The following PPARGC1A variants were observed in gnomAD, a reference collection of about 807,000 sequenced individuals.
The protein encoded by PPARGC1A is peroxisome proliferator-activated receptor gamma coactivator 1-alpha.
PPARGC1A carries 25 observed loss-of-function variants against 88.7 expected under a neutral mutation model. That is an observed-to-expected ratio of 0.28 (90% CI 0.21 to 0.39). The LOEUF (loss-of-function observed/expected upper bound fraction) is 0.39. Ranked by LOEUF, PPARGC1A falls within the 10% of genes least tolerant of loss-of-function variation. The pLI, the probability that PPARGC1A is intolerant of heterozygous loss-of-function variation, is 1.00. For missense variants in PPARGC1A, 880 were observed against 968.7 expected (o/e 0.91, Z 1.22); for synonymous variants, 363 against 355.6 (o/e 1.02, Z -0.24).
chr4:23,862,502 C>A (rs1731383591), intron 2 of PPARGC1A, among the ~76,000 whole-genome samples: 1 of 152,122 alleles, frequency 6.6e-6, no homozygotes, highest in Non-Finnish European at 1.5e-5. Flanking sequence ...AATATTAGTT[C>A]TTCTGGTTAC....
At chr4:23,874,279 G>A (rs117941512) in intron 2 of PPARGC1A, among the ~76,000 whole-genome samples, 2 of 152,310 alleles carry the variant, frequency 1.3e-5, no homozygotes, top group African/African-American at 4.8e-5. Context: ...TAGCTTGGTT[G>A]TTTGTGTTCT....
At chr4:23,810,814 A>T (rs1406256805) in intron 10 of PPARGC1A, among the ~76,000 whole-genome samples, 1 of 152,102 alleles carries the variant, frequency 6.6e-6, no homozygotes, top group African/African-American at 2.4e-5. Flanking sequence ...GCTCAGCATG[A>T]TTTTCTTTTG....
chr4:24,421,456 G>T, the PPARGC1A span, among the ~76,000 whole-genome samples: 4 of 151,786 alleles, frequency 2.6e-5, no homozygotes, highest in African/African-American at 7.3e-5. Flanking sequence ...GACTACAGGC[G>T]CCCGCCATCA....
At chr4:23,944,958 T>C in the PPARGC1A span, among the ~76,000 whole-genome samples, 1 of 152,210 alleles carries the variant, frequency 6.6e-6, no homozygotes, top group Non-Finnish European at 1.5e-5. Context: ...TGTACCTTGC[T>C]CTATCACCTA....
chr4:23,993,606 G>T, the PPARGC1A span, among the ~76,000 whole-genome samples: 5 of 152,132 alleles, frequency 3.3e-5, no homozygotes, highest in African/African-American at 1.2e-4. Flanking sequence ...TTTTGCAGAT[G>T]TTGAAACTGA....
At chr4:24,215,108 A>G in the PPARGC1A span, among the ~76,000 whole-genome samples, 1 of 152,160 alleles carries the variant, frequency 6.6e-6, no homozygotes, top group Non-Finnish European at 1.5e-5. Context: ...ACAAGGAAAT[A>G]CCGCTCTTGC....
the PPARGC1A span, among the ~76,000 whole-genome samples, chr4:24,153,726 G>A: frequency 6.6e-6 from 1 of 152,120 alleles, no homozygotes; most frequent in African/African-American, 2.4e-5. Context: ...AATTAATAGA[G>A]GTTAATGGTG....
intron 12 of PPARGC1A, among the ~76,000 whole-genome samples, chr4:23,797,719 A>AT (rs1553872743): frequency 4.9e-5 from 3 of 61,196 alleles, no homozygotes; most frequent in Admixed American, 4.7e-4. Context: ...AACCAAAAAT[A>AT]TTTTTTGTTG....
chr4:24,149,064 A>G, the PPARGC1A span, among the ~76,000 whole-genome samples: 5 of 151,956 alleles, frequency 3.3e-5, no homozygotes, highest in African/African-American at 1.2e-4. Context: ...AATTATTACT[A>G]TACTTATTTG....
intron 7 of PPARGC1A, 46 bp downstream of exon 7, chr4:23,824,234 T>C (rs781553819): frequency 1.7e-5 from 25 of 1,490,826 alleles, no homozygotes; most frequent in Admixed American, 6.7e-5. Context: ...CACACACACA[T>C]ATACAGACAG....
At chr4:24,428,261 T>G in the PPARGC1A span, among the ~76,000 whole-genome samples, 1 of 152,198 alleles carries the variant, frequency 6.6e-6, no homozygotes, top group Non-Finnish European at 1.5e-5. Flanking sequence ...TGGTGTCTAG[T>G]GTATAGAAGA....
At chr4:24,433,728 G>C in the PPARGC1A span, among the ~76,000 whole-genome samples, 1 of 152,130 alleles carries the variant, frequency 6.6e-6, no homozygotes, top group South Asian at 2.1e-4. Context: ...CCAATGCAGA[G>C]GGTCATCTTA....
chr4:24,350,069 C>T, the PPARGC1A span, among the ~76,000 whole-genome samples: 1 of 152,238 alleles, frequency 6.6e-6, no homozygotes, highest in Admixed American at 6.5e-5. Flanking sequence ...AACAGACCTT[C>T]AGCTTCTCCA....
At chr4:23,866,955 T>C (rs1180766971) in intron 2 of PPARGC1A, among the ~76,000 whole-genome samples, 1 of 152,218 alleles carries the variant, frequency 6.6e-6, no homozygotes. Context: ...CGGGACTTGT[T>C]AGAAGGCAAA....
the PPARGC1A span, among the ~76,000 whole-genome samples, chr4:24,102,516 G>A: frequency 6.6e-6 from 1 of 152,184 alleles, no homozygotes; most frequent in Admixed American, 6.5e-5. Flanking sequence ...CCCCTTTGGA[G>A]GTAGGACAAT....
the PPARGC1A span, among the ~76,000 whole-genome samples, chr4:24,167,976 T>C: frequency 2.0e-4 from 31 of 152,186 alleles, no homozygotes; most frequent in African/African-American, 7.5e-4. Flanking sequence ...AAGCTGGTCT[T>C]GAACTCCTGC....
At chr4:23,999,113 A>G in the PPARGC1A span, among the ~76,000 whole-genome samples, 1 of 152,194 alleles carries the variant, frequency 6.6e-6, no homozygotes, top group African/African-American at 2.4e-5. Context: ...CAGCATATGT[A>G]GTACTCCTAG....
At chr4:24,091,419 AGAGTT>A in the PPARGC1A span, 1 of 980,284 alleles carries the variant, frequency 1.0e-6, no homozygotes, top group Non-Finnish European at 1.2e-6. Context: ...TGGAGCCAAA[AGAGTT>A]GAGAGAGATT....
At chr4:24,200,522 A>T in the PPARGC1A span, among the ~76,000 whole-genome samples, 1 of 152,118 alleles carries the variant, frequency 6.6e-6, no homozygotes, top group Admixed American at 6.6e-5. Context: ...AAAAGAAAAA[A>T]AAAAGTAAAA....
Sources: gnomAD v4.1 joint callset for allele counts (sites outside exome capture counted in the v4.1 genomes callset) on GRCh38, gnomAD v4.1.1 for gene constraint, MANE v1.5 for transcripts, NCBI Gene and HGNC (gene_info 2026-07-23, HGNC 2026-07-21) for gene names.